Variants in ESCO1 observed in about 807,000 individuals in gnomAD.
ESCO1 encodes the protein establishment of sister chromatid cohesion N-acetyltransferase 1.
In ESCO1, 33 loss-of-function variants were observed where a neutral mutation model predicts 83.5. The observed-to-expected ratio is 0.40, with a 90% CI of 0.30 to 0.53. ESCO1 has a LOEUF of 0.53. Among genes scored for constraint, ESCO1 ranks in the 20% least tolerant of loss-of-function variants. ESCO1 has a pLI of 0.63. For missense variants in ESCO1, 855 were observed against 968.0 expected, an observed-to-expected ratio of 0.88 and a Z score of 1.55; for synonymous variants, 332 against 324.3, an observed-to-expected ratio of 1.02 and a Z score of -0.25.
rs144387310 is a variant in ESCO1 at position 21,551,379 on chromosome 18, C to T, written c.1953+9480G>A. On this transcript the variant is annotated intron_variant, in intron 8 of 11. Transcript: ENST00000269214. ...CTGGGAGGCGGAGCTTGTAGTGAGC[C>T]GAGATTGTGCCACTGCACTCCAGCC... Among the ~76,000 whole-genome samples, 1,009 of 151,758 alleles carry T rather than the reference C, an allele frequency of 6.6e-3. 9 individuals carry two copies. The highest frequency in any genetic ancestry group is 0.02 in the African/African-American group (828 of 41,350).
At chr18:21,591,390 AATTTATTAAAGCAGAC>A (rs1365914447) in intron 1 of ESCO1, among the ~76,000 whole-genome samples, 15 of 152,238 alleles carry the variant, frequency 9.9e-5, no homozygotes, top group Non-Finnish European at 1.9e-4. Flanking sequence ...GGTTTCTGAT[AATTTATTAAAGCAGAC>A]ATAGGAAACT....
At position 21,566,127 on chromosome 18, in the gene ESCO1, A is replaced by G. The variant is rs2038256324; in HGVS notation, c.1706+19T>C. 1 of 1,606,664 alleles carries G rather than the reference A, an allele frequency of 6.2e-7. No individual in the cohort carries two copies. Among genetic ancestry groups the G allele is most frequent in the African/African-American group, 1.3e-5 (1 of 74,592 alleles). ...GTAAGTTAAAATCCTTAAGCTCTAA[A>G]ATTTAATTAATAGCTTACCTGTTAT... On this transcript the variant is annotated intron_variant, in intron 6 of 11. Coordinates refer to ENST00000269214, the MANE Select transcript of ESCO1 (RefSeq NM_052911.3).
chr18:21,541,891 A>G (rs2037912926), intron 8 of ESCO1, among the ~76,000 whole-genome samples: 1 of 152,144 alleles, frequency 6.6e-6, no homozygotes, highest in Non-Finnish European at 1.5e-5. Flanking sequence ...TTTCCTATTA[A>G]ATGCCTTTGA....
At chr18:21,541,452 G>T (rs907660222) in intron 8 of ESCO1, among the ~76,000 whole-genome samples, 1 of 151,922 alleles carries the variant, frequency 6.6e-6, no homozygotes, top group African/African-American at 2.4e-5. Context: ...TTTTAGGCGG[G>T]TGTGGTGGCA....
At position 21,532,336 on chromosome 18, in the gene ESCO1, CTGA is replaced by C. The variant is rs1237037562; in HGVS notation, c.2375+134_2375+136del. ...AAAAAGTACTTACAGATCCAATACA[CTGA>C]TAACCTCATGCAAAATTTGTAATTA... On this transcript the variant is annotated intron_variant, in intron 11 of 11. Coordinates refer to ENST00000269214, the MANE Select transcript of ESCO1 (RefSeq NM_052911.3). 2.7e-5 allele frequency: 24 copies of C among 898,492 alleles called. No homozygotes were observed. The African/African-American group carries it at 3.5e-4, about 13-fold the overall frequency. The allele number at this position is 898,492 out of a possible 1,614,324, so 55.7% of individuals were successfully genotyped here.
intron 1 of ESCO1, among the ~76,000 whole-genome samples, chr18:21,592,737 G>C (rs2038697009): frequency 6.8e-6 from 1 of 147,860 alleles, no homozygotes; most frequent in Non-Finnish European, 1.5e-5. Context: ...GGGCGGAGGG[G>C]CTCCTCACTT....
chr18:21,578,872 T>C lies in ESCO1; in HGVS notation c.-693-3095A>G, dbSNP rs994403083. Among the ~76,000 whole-genome samples, 6 of 152,096 alleles carry C rather than the reference T, an allele frequency of 3.9e-5. No homozygotes were observed. The East Asian group carries it at 7.8e-4, about 20-fold the overall frequency. ...ACCACCACGCCTGGCTATTTTTTTCTTCCCCCAAGATGTAGTCTCACTCTG... is the reference window on the plus strand; with the variant it reads ...ACCACCACGCCTGGCTATTTTTTTCCTCCCCCAAGATGTAGTCTCACTCTG... On this transcript the variant is annotated intron_variant, in intron 2 of 11. Transcript: ENST00000269214.
chr18:21,594,430 C>T (rs2038730097), intron 1 of ESCO1, among the ~76,000 whole-genome samples: 2 of 152,324 alleles, frequency 1.3e-5, no homozygotes, highest in South Asian at 4.1e-4. Context: ...CAATGAACTA[C>T]TATTATTTAA....
In ESCO1 at chr18:21,574,285, T is replaced by C. The variant is rs2146211547; in HGVS notation, c.559A>G (p.Lys187Glu). Residue 187 changes from lysine (K) to glutamate (E), a missense_variant, in exon 4 of 12, where the codon AAA becomes GAA. Physicochemically the swap from Lys to Glu is moderately conservative, Grantham distance 56. Around this residue, in one of 2 missense-constraint regions of ESCO1, gnomAD observed 726 missense variants for 699.5 expected, o/e 1.04. Coordinates refer to ENST00000269214, the MANE Select transcript of ESCO1 (RefSeq NM_052911.3). ...RKVLEVKSDS[K>E]EDENLVINEV... ...TTAATTACTAGATTTTCATCTTCTT[T>C]AGAGTCAGACTTTACTTCCAGTACT... 6.2e-7 allele frequency: 1 copy of C among 1,613,856 alleles called. No homozygotes were observed. Among genetic ancestry groups the C allele is most frequent in the Middle Eastern group, 1.6e-4 (1 of 6,062 alleles).
intron 1 of ESCO1, among the ~76,000 whole-genome samples, chr18:21,599,165 C>A (rs948674446): frequency 6.6e-6 from 1 of 152,110 alleles, no homozygotes; most frequent in Non-Finnish European, 1.5e-5. Flanking sequence ...GGCGAAACGC[C>A]GTCTCAACAA....
chr18:21,590,646 C>A (rs552195381), intron 1 of ESCO1, among the ~76,000 whole-genome samples: 2 of 151,902 alleles, frequency 1.3e-5, no homozygotes, highest in Admixed American at 1.3e-4. Flanking sequence ...AATTTAATTA[C>A]CCTTAATTGA....
At chr18:21,541,592 CAAAAAA>C (rs58040604) in intron 8 of ESCO1, among the ~76,000 whole-genome samples, 13 of 86,812 alleles carry the variant, frequency 1.5e-4, no homozygotes, top group African/African-American at 4.4e-4. Context: ...GACACTGTCC[CAAAAAA>C]AAAAAAAAAA....
At chr18:21,547,640 A>G (rs1421252597) in intron 8 of ESCO1, among the ~76,000 whole-genome samples, 1 of 152,116 alleles carries the variant, frequency 6.6e-6, no homozygotes, top group Non-Finnish European at 1.5e-5. Flanking sequence ...CAGTCTACCA[A>G]TATGTATATT....
intron 8 of ESCO1, among the ~76,000 whole-genome samples, chr18:21,550,573 C>T (rs2038032516): frequency 1.3e-5 from 2 of 152,302 alleles, no homozygotes; most frequent in African/African-American, 4.8e-5. Context: ...TGATGTAAAT[C>T]TCATCTCAAA....
chr18:21,585,586 G>C (rs2038564034), intron 1 of ESCO1, among the ~76,000 whole-genome samples: 1 of 152,006 alleles, frequency 6.6e-6, no homozygotes, highest in African/African-American at 2.4e-5. Flanking sequence ...TTTCTAGTCA[G>C]TTTTTAAAAG....
intron 4 of ESCO1, among the ~76,000 whole-genome samples, chr18:21,571,203 T>C (rs1007926108): frequency 2.6e-5 from 4 of 152,124 alleles, no homozygotes; most frequent in Non-Finnish European, 5.9e-5. Context: ...TATTTTTTTT[T>C]TGAAGACAGA....
At chr18:21,548,326 C>G (rs1206205614) in intron 8 of ESCO1, among the ~76,000 whole-genome samples, 1 of 150,938 alleles carries the variant, frequency 6.6e-6, no homozygotes, top group African/African-American at 2.4e-5. Context: ...GACCCTGTCT[C>G]TACAAAAAAA....
chr18:21,583,605 C>T (rs1053084645), intron 2 of ESCO1, among the ~76,000 whole-genome samples: 1 of 151,674 alleles, frequency 6.6e-6, no homozygotes, highest in Admixed American at 6.6e-5. Context: ...GATCATGCCA[C>T]TGCACTCCAG....
intron 9 of ESCO1, 32 bp from the exon 10 acceptor site, chr18:21,536,217 A>G (rs772412648): frequency 6.3e-7 from 1 of 1,591,204 alleles, no homozygotes; most frequent in Admixed American, 1.8e-5. Context: ...TTATTTTTAA[A>G]TGAAAATATT....
Sources: gnomAD v4.1 joint callset for allele counts (sites outside exome capture counted in the v4.1 genomes callset) on GRCh38, gnomAD v4.1.1 for gene constraint, gnomAD v4.1.1 regional missense constraint, MANE v1.5 for transcripts, NCBI Gene and HGNC (gene_info 2026-07-23, HGNC 2026-07-21) for gene names.